Variants in PLG observed in about 807,000 individuals in gnomAD.
PLG encodes plasminogen, also known as plasmin.
In PLG, 41 loss-of-function variants were observed where a neutral mutation model predicts 104.4. The ratio of observed to expected loss-of-function variants is 0.39; its 90% CI spans 0.31 to 0.51. The LOEUF (loss-of-function observed/expected upper bound fraction) is 0.51, where lower values mean the gene tolerates loss of function less well. Among genes scored for constraint, PLG ranks in the 20% least tolerant of loss-of-function variants. PLG has a pLI of 0.76. For synonymous variants in PLG, 337 were observed against 357.1 expected, an observed-to-expected ratio of 0.94 and a Z score of 0.63; for missense variants, 891 against 1,003.6, an observed-to-expected ratio of 0.89 and a Z score of 1.52.
intron 4 of PLG, among the ~76,000 whole-genome samples, chr6:160,712,778 C>T (rs1777666980): frequency 6.6e-6 from 1 of 152,156 alleles, no homozygotes; most frequent in Non-Finnish European, 1.5e-5. Flanking sequence ...TTGGCTGTCA[C>T]AGTAGCAATG....
chr6:160,709,444 A>G (rs1359236726), intron 3 of PLG, among the ~76,000 whole-genome samples: 1 of 152,154 alleles, frequency 6.6e-6, no homozygotes, highest in Non-Finnish European at 1.5e-5. Context: ...CCCTTAAAAT[A>G]AGACCCAAAG....
chr6:160,703,301 A>T (rs1326020786), intron 1 of PLG, among the ~76,000 whole-genome samples: 1 of 151,730 alleles, frequency 6.6e-6, no homozygotes, highest in Non-Finnish European at 1.5e-5. Flanking sequence ...GATATAATTA[A>T]CATATAGAAT....
At chr6:160,718,566 C>A in intron 8 of PLG, 110 bp downstream of exon 8, 1 of 1,347,530 alleles carries the variant, frequency 7.4e-7, no homozygotes, top group Non-Finnish European at 1.1e-6. Flanking sequence ...GGAAGAAAAA[C>A]TGATCTAGTC....
At chr6:160,733,407 C>T (rs949744330) in intron 12 of PLG, among the ~76,000 whole-genome samples, 12 of 152,124 alleles carry the variant, frequency 7.9e-5, no homozygotes, top group African/African-American at 2.9e-4. Context: ...AAGGGAGACC[C>T]ATTCTCCAAA....
Position 160,736,671 on chromosome 6 carries a change from A to G in PLG, c.1682-216A>G, listed in dbSNP as rs1180935419. Among the ~76,000 whole-genome samples, 1 of 152,162 alleles carries G rather than the reference A, an allele frequency of 6.6e-6. No individual in the cohort carries two copies. Among genetic ancestry groups the G allele is most frequent in the Non-Finnish European group, 1.5e-5 (1 of 68,026 alleles). Reference sequence around the variant, plus strand: ...TGTTTGATCACTTCTCCAACAAAATAATTACAAAGTGCTTATATTTTCTTG... The same window carrying G: ...TGTTTGATCACTTCTCCAACAAAATGATTACAAAGTGCTTATATTTTCTTG... On this transcript the variant is annotated intron_variant, in intron 13 of 18. Coordinates refer to ENST00000308192, the MANE Select transcript of PLG (RefSeq NM_000301.5). This position sits in a 1 kb window ranked among gnomAD's most constrained non-coding sequence, Gnocchi z 5.2.
chr6:160,716,203 T>C (rs1476405446), intron 6 of PLG, among the ~76,000 whole-genome samples: 1 of 152,228 alleles, frequency 6.6e-6, no homozygotes, highest in East Asian at 1.9e-4. Context: ...TCATTTGTGG[T>C]TGAATAACTG....
At position 160,734,540 on chromosome 6, in the gene PLG, G is replaced by A. The variant is rs10945686; in HGVS notation, c.1681+452G>A. ...TGGCCATCCTAGGAATTCAATGAAA[G>A]GTAGTGCAGCTCTTTAGCCCCAGAT... On this transcript the variant is annotated intron_variant, in intron 13 of 18. Transcript: ENST00000308192. The surrounding 1 kb of genome is among the most constrained non-coding windows in gnomAD (Gnocchi z 4.4). Among the ~76,000 whole-genome samples the A allele has an allele frequency of 7.8e-3, 1,186 of 152,150 alleles. 17 individuals carry two copies. Among genetic ancestry groups the A allele is most frequent in the African/African-American group, 0.027 (1,131 of 41,504 alleles).
Position 160,734,395 on chromosome 6 carries a change from G to T in PLG, c.1681+307G>T, listed in dbSNP as rs1778052891. ...AATGCTGCCATGTCTAGCGTGGGAT[G>T]CATGAAAAATTTAGAGTCATTCGGA... On this transcript the variant is annotated intron_variant, in intron 13 of 18. Transcript: ENST00000308192. The surrounding 1 kb of genome is among the most constrained non-coding windows in gnomAD (Gnocchi z 4.4). 6.6e-6 allele frequency among the ~76,000 whole-genome samples: 1 copy of T among 152,190 alleles called. No homozygotes were observed. Among genetic ancestry groups the T allele is most frequent in the Non-Finnish European group, 1.5e-5 (1 of 68,030 alleles).
chr6:160,745,999 T>G (rs1778270975), intron 17 of PLG, among the ~76,000 whole-genome samples: 1 of 152,178 alleles, frequency 6.6e-6, no homozygotes, highest in South Asian at 2.1e-4. Context: ...AGGTATGCTG[T>G]TAGATTGATG....
At chr6:160,711,362 C>G in intron 4 of PLG, 171 bp downstream of exon 4, 1 of 703,240 alleles carries the variant, frequency 1.4e-6, no homozygotes, top group East Asian at 2.7e-5. Context: ...CTTGTATAAT[C>G]CCTAATATAA....
chr6:160,741,175 T>C lies in PLG; in HGVS notation c.2019-136T>C, dbSNP rs1367495562. 1 of 704,040 alleles carries C rather than the reference T, an allele frequency of 1.4e-6. No homozygotes were observed. The highest frequency in any genetic ancestry group is 2.7e-6 in the Non-Finnish European group (1 of 375,490). 43.6% of individuals were successfully genotyped at this position (704,040 alleles called of 1,614,324 possible). ...AATGTGAGGGTGAAACTCTGTGTTC[T>C]ACGTTGCTCTGTGTCAGTGAAGCAA... is the stretch of plus-strand genomic sequence containing the variant. On this transcript the variant is annotated intron_variant, in intron 16 of 18. Coordinates refer to ENST00000308192, the MANE Select transcript of PLG (RefSeq NM_000301.5). The surrounding 1 kb of genome is among the most constrained non-coding windows in gnomAD (Gnocchi z 4.7).
chr6:160,731,978 C>T lies in PLG; in HGVS notation c.1587+85C>T. On this transcript the variant is annotated intron_variant, in intron 12 of 18. Transcript: ENST00000308192. The surrounding 1 kb of genome is among the most constrained non-coding windows in gnomAD (Gnocchi z 5.1). ...TGGTTCTGTGTTACAGAAAATCTGA[C>T]CTGGACTGCTCTTTTTTGTAATGGG... 1 of 1,373,436 alleles carries T rather than the reference C, an allele frequency of 7.3e-7. No individual in the cohort carries two copies. Among genetic ancestry groups the T allele is most frequent in the East Asian group, 2.3e-5 (1 of 43,742 alleles). 85.1% of individuals were successfully genotyped at this position (1,373,436 alleles called of 1,614,324 possible).
rs1463545158 is a variant in PLG, at chr6:160,748,372, G to GAAAGAA, written c.2126-3741_2126-3736dup. The stretch of plus-strand genomic sequence containing the variant: ...AAAGAGAAAGAAAGAAAGAAAGAAA[G>GAAAGAA]AAAGAAAGAAAGAAAGAAAGAAAGA... On this transcript the variant is annotated intron_variant, in intron 17 of 18. Coordinates refer to ENST00000308192, the MANE Select transcript of PLG (RefSeq NM_000301.5). 8.0e-4 allele frequency among the ~76,000 whole-genome samples: 33 copies of GAAAGAA among 41,226 alleles called. 2 individuals are homozygous for GAAAGAA. The highest frequency in any genetic ancestry group is 2.2e-3 in the Admixed American group (6 of 2,778). The allele number at this position is 41,226 out of a possible 152,430, so 27.0% of individuals were successfully genotyped here.
At position 160,740,585 on chromosome 6, in the gene PLG, T is replaced by A. The variant is rs1778175611; in HGVS notation, c.2019-726T>A. On this transcript the variant is annotated intron_variant, in intron 16 of 18. Coordinates refer to ENST00000308192, the MANE Select transcript of PLG (RefSeq NM_000301.5). This position sits in a 1 kb window ranked among gnomAD's most constrained non-coding sequence, Gnocchi z 5.2. ...CTCAGAAGCAGAAAGTGTGCCTGCT[T>A]CAAAGTTGGTGACGATGATGTTTCT... is the stretch of plus-strand genomic sequence containing the variant. Among the ~76,000 whole-genome samples the A allele has an allele frequency of 6.6e-6, 1 of 152,156 alleles. No individual in the cohort carries two copies.
chr6:160,731,180 A>G lies in PLG; in HGVS notation c.1386A>G (p.Val462=). 1.2e-6 allele frequency: 2 copies of G among 1,614,156 alleles called. No individual in the cohort carries two copies. Among genetic ancestry groups the G allele is most frequent in the Non-Finnish European group, 1.7e-6 (2 of 1,180,012 alleles). Residue 462 remains valine, a synonymous_variant, in exon 11 of 19, where the codon GTA becomes GTG. Coordinates refer to ENST00000308192, the MANE Select transcript of PLG (RefSeq NM_000301.5). This position sits in a 1 kb window ranked among gnomAD's most constrained non-coding sequence, Gnocchi z 5.1. ...KKCSGTEASV[V]APPPVVLLPD... ...GCTCAGGAACAGAAGCGAGTGTTGT[A>G]GCACCTCCGCCTGTTGTCCTGCTTC...
chr6:160,708,013 TG>T (rs1264915212), intron 3 of PLG: 1 of 528,132 alleles, frequency 1.9e-6, no homozygotes, highest in East Asian at 3.4e-5. Context: ...TAATTTTTTT[TG>T]TTCAAAAGAT....
Position 160,739,062 on chromosome 6 carries a change from T to C in PLG, c.1878-6T>C, listed in dbSNP as rs192519670. On this transcript the variant is annotated splice_polypyrimidine_tract_variant and splice_region_variant and intron_variant, in intron 15 of 18. Transcript: ENST00000308192. This position sits in a 1 kb window ranked among gnomAD's most constrained non-coding sequence, Gnocchi z 4.4. The stretch of plus-strand genomic sequence containing the variant: ...ATTTTCCTCTTGACGTCCTCATCTT[T>C]TCTAGGTCCCCAAGGCCTTCATCCT... 4,803 of 1,613,936 alleles carry C rather than the reference T, an allele frequency of 3.0e-3. 8 individuals are homozygous for C. Among genetic ancestry groups the C allele is most frequent in the Non-Finnish European group, 3.8e-3 (4,471 of 1,179,860 alleles).
intron 8 of PLG, 85 bp downstream of exon 8, chr6:160,718,541 A>G: frequency 7.3e-7 from 1 of 1,362,464 alleles, no homozygotes; most frequent in Admixed American, 1.7e-5. Context: ...GTAGGAACGC[A>G]GGATAAAGTA....
rs565783146 is a variant in PLG, at chr6:160,726,709, A to G, written c.1256+4142A>G. 6.6e-6 allele frequency among the ~76,000 whole-genome samples: 1 copy of G among 152,146 alleles called. No individual in the cohort carries two copies. The highest frequency in any genetic ancestry group is 2.1e-4 in the South Asian group (1 of 4,828). Reference sequence around the variant, plus strand: ...TCTCTGATGGCTAATAAAATGTGTGATTGTCTATTATGTTTAAAAACATTC... The same window carrying G: ...TCTCTGATGGCTAATAAAATGTGTGGTTGTCTATTATGTTTAAAAACATTC... On this transcript the variant is annotated intron_variant, in intron 10 of 18. Coordinates refer to ENST00000308192, the MANE Select transcript of PLG (RefSeq NM_000301.5). The surrounding 1 kb of genome is among the most constrained non-coding windows in gnomAD (Gnocchi z 4.4).
Sources: gnomAD v4.1 joint callset for allele counts (sites outside exome capture counted in the v4.1 genomes callset) on GRCh38, gnomAD v4.1.1 for gene constraint, Gnocchi (gnomAD v3.1) non-coding constraint, MANE v1.5 for transcripts, NCBI Gene and HGNC (gene_info 2026-07-23, HGNC 2026-07-21) for gene names.